The following BRAF variants were observed in gnomAD, a reference collection of about 807,000 sequenced individuals.
The protein encoded by BRAF is serine/threonine-protein kinase B-raf.
A neutral mutation model predicts 104.6 loss-of-function variants in BRAF; 16 were observed. The ratio of observed to expected loss-of-function variants is 0.15; its 90% CI spans 0.10 to 0.23. BRAF has a LOEUF of 0.23. Among genes scored for constraint, BRAF ranks in the 10% least tolerant of loss-of-function variants. The pLI, the probability that BRAF is intolerant of heterozygous loss-of-function variation, is 1.00. For missense variants in BRAF, 541 were observed against 937.3 expected (o/e 0.58, Z 5.52); for synonymous variants, 310 against 341.6 (o/e 0.91, Z 1.02).
chr7:140,775,805 C>A (rs1042123208), intron 14 of BRAF, among the ~76,000 whole-genome samples: 1 of 152,078 alleles, frequency 6.6e-6, no homozygotes, highest in Admixed American at 6.5e-5. Flanking sequence ...TGTAAACAAT[C>A]TAAATTATAG....
In BRAF at chr7:140,723,985, GAA is replaced by G. The variant is rs1433037087; in HGVS notation, c.*2507_*2508del. Reference sequence around the variant, plus strand: ...AAAACCTATTTCATAGAAAAAGGAAGAAAAGAGAGGTTTAAATATTTTATTTT... The same window carrying G: ...AAAACCTATTTCATAGAAAAAGGAAGAAGAGAGGTTTAAATATTTTATTTT... On this transcript the variant is annotated 3_prime_UTR_variant, in exon 20 of 20. Coordinates refer to ENST00000644969, the MANE Select transcript of BRAF (RefSeq NM_001374258.1). 25 of 1,041,588 alleles carry G rather than the reference GAA, an allele frequency of 2.4e-5. No homozygotes were observed. The East Asian group carries it at 1.4e-3, about 58-fold the overall frequency. The allele number at this position is 1,041,588 out of a possible 1,614,324, so 64.5% of individuals were successfully genotyped here.
chr7:140,836,633 T>C (rs1229107612), intron 2 of BRAF, among the ~76,000 whole-genome samples: 1 of 152,204 alleles, frequency 6.6e-6, no homozygotes, highest in Non-Finnish European at 1.5e-5. Flanking sequence ...GATTCCAAAT[T>C]TTCTGAGCTA....
intron 3 of BRAF, among the ~76,000 whole-genome samples, chr7:140,833,039 A>C (rs1806951652): frequency 6.6e-6 from 1 of 151,848 alleles, no homozygotes; most frequent in Non-Finnish European, 1.5e-5. Context: ...ACGCCCCGCT[A>C]ATCTTTTTGT....
chr7:140,918,957 G>A (rs1817913339), intron 1 of BRAF, among the ~76,000 whole-genome samples: 1 of 151,982 alleles, frequency 6.6e-6, no homozygotes. Flanking sequence ...GGCCAACACG[G>A]TGAAACCCCG....
At chr7:140,820,903 A>ATT (rs1805405782) in intron 3 of BRAF, among the ~76,000 whole-genome samples, 2 of 152,222 alleles carry the variant, frequency 1.3e-5, no homozygotes, top group African/African-American at 4.8e-5. Context: ...ACTGCACTCC[A>ATT]TTCTGGGCAA....
the BRAF span, among the ~76,000 whole-genome samples, chr7:140,714,056 G>T: frequency 2.0e-5 from 3 of 152,186 alleles, no homozygotes; most frequent in African/African-American, 7.2e-5. Flanking sequence ...TCGGGTCAGG[G>T]ACCCACTTGA....
At chr7:140,836,789 A>G (rs1807388729) in intron 2 of BRAF, among the ~76,000 whole-genome samples, 2 of 152,184 alleles carry the variant, frequency 1.3e-5, no homozygotes, top group African/African-American at 2.4e-5. Context: ...ACAACCACAC[A>G]TAAGACAAAC....
intron 9 of BRAF, among the ~76,000 whole-genome samples, chr7:140,786,666 GC>G (rs1382676860): frequency 6.6e-6 from 1 of 152,112 alleles, no homozygotes; most frequent in East Asian, 1.9e-4. Flanking sequence ...AATGGGCTTT[GC>G]CATTATGGGT....
Position 140,799,352 on chromosome 7 carries a change from A to T in BRAF, c.980+1010T>A, listed in dbSNP as rs181290188. On this transcript the variant is annotated intron_variant, in intron 7 of 19. Transcript: ENST00000644969. ...CTTCTTCACCCTAAATTTTCTGTCA[A>T]TCCATCTGTATTTCACTGCTAATTG... 2.2e-5 allele frequency: 5 copies of T among 232,536 alleles called. No homozygotes were observed. In the Admixed American group the frequency reaches 2.8e-4, roughly 13 times the overall value. The allele number at this position is 232,536 out of a possible 1,614,324, so 14.4% of individuals were successfully genotyped here.
chr7:140,913,097 G>C (rs1010739487), intron 1 of BRAF, among the ~76,000 whole-genome samples: 1 of 152,042 alleles, frequency 6.6e-6, no homozygotes, highest in Non-Finnish European at 1.5e-5. Context: ...CCCTTCTCAA[G>C]TGAGGCCTAC....
In BRAF at chr7:140,880,901, T is replaced by C. The variant is rs558391270; in HGVS notation, c.139-30689A>G. On this transcript the variant is annotated intron_variant, in intron 1 of 19. Transcript: ENST00000644969. Reference sequence around the variant, plus strand: ...AGGAGGATTGCTTGAGCTCAGGGGTTCAAGGCTGCAGAGAGCTATGATCAC... The same window carrying C: ...AGGAGGATTGCTTGAGCTCAGGGGTCCAAGGCTGCAGAGAGCTATGATCAC... Among the ~76,000 whole-genome samples, 5 of 152,010 alleles carry C rather than the reference T, an allele frequency of 3.3e-5. No homozygotes were observed. The South Asian group carries it at 8.3e-4, about 25-fold the overall frequency.
chr7:140,813,898 C>T lies in BRAF; in HGVS notation c.505-4903G>A, dbSNP rs562826686. Among the ~76,000 whole-genome samples, 5 of 152,114 alleles carry T rather than the reference C, an allele frequency of 3.3e-5. No homozygotes were observed. The South Asian group carries it at 1.0e-3, about 32-fold the overall frequency. On this transcript the variant is annotated intron_variant, in intron 3 of 19. Coordinates refer to ENST00000644969, the MANE Select transcript of BRAF (RefSeq NM_001374258.1). ...ATGCGGACGCATACATACACACACA[C>T]ACACACACACACACACCCTCCTTAA...
At chr7:140,923,148 G>A (rs1818406167) in intron 1 of BRAF, among the ~76,000 whole-genome samples, 1 of 152,186 alleles carries the variant, frequency 6.6e-6, no homozygotes, top group East Asian at 1.9e-4. Context: ...ACAAGCTGAT[G>A]CTGAATAAAG....
At chr7:140,753,448 G>A (rs2128998652) in intron 15 of BRAF, 55 bp from the exon 15 acceptor site, 1 of 1,148,806 alleles carries the variant, frequency 8.7e-7, no homozygotes, top group South Asian at 1.2e-5. Context: ...ATCAGAGCAA[G>A]CATTATGAAG....
chr7:140,806,386 A>G (rs1020762883), intron 5 of BRAF, among the ~76,000 whole-genome samples: 1 of 152,156 alleles, frequency 6.6e-6, no homozygotes, highest in African/African-American at 2.4e-5. Context: ...TTCATTTGTC[A>G]TATCCCTAGG....
At chr7:140,785,612 G>T in intron 10 of BRAF, 1 of 397,540 alleles carries the variant, frequency 2.5e-6, no homozygotes, top group South Asian at 1.3e-4. Flanking sequence ...CACGCTGTGA[G>T]GGTGAGGCAC....
intron 17 of BRAF, chr7:140,747,460 G>A: frequency 7.9e-7 from 1 of 1,268,382 alleles, no homozygotes; most frequent in Non-Finnish European, 1.0e-6. Flanking sequence ...AAAATGCCAA[G>A]AAGTGGATGA....
intron 7 of BRAF, among the ~76,000 whole-genome samples, chr7:140,798,559 C>CTT (rs1033928919): frequency 2.5e-4 from 31 of 125,324 alleles, no homozygotes; most frequent in African/African-American, 6.9e-4. Context: ...CGCGCCCGGC[C>CTT]TTTTTTTTTT....
chr7:140,783,215 CA>C lies in BRAF; in HGVS notation c.1298-59del, dbSNP rs1801048553. On this transcript the variant is annotated intron_variant, in intron 10 of 19. Transcript: ENST00000644969. ...AGGAGGAGCAAGTATGTTAATTTAT[CA>C]GGGGTAGAAGGTTGGGGGATATTTA... 1.1e-5 allele frequency: 18 copies of C among 1,594,206 alleles called. 2 individuals are homozygous for C. The highest frequency in any genetic ancestry group is 1.1e-4 in the South Asian group (10 of 89,964).
Sources: allele counts gnomAD v4.1 joint callset (sites outside exome capture counted in the v4.1 genomes callset), GRCh38; gene constraint gnomAD v4.1.1; transcripts MANE v1.5; gene names NCBI Gene and HGNC (gene_info 2026-07-23, HGNC 2026-07-21).